TAAR5: variants seen among roughly 807,000 people sequenced by gnomAD.
TAAR5 encodes trace amine-associated receptor 5.
In TAAR5, 27 loss-of-function variants were observed where a neutral mutation model predicts 21.1. The ratio of observed to expected loss-of-function variants is 1.28; its 90% confidence interval spans 0.94 to 1.76. TAAR5 has a LOEUF of 1.76. TAAR5 is among the 40% of genes most tolerant of loss of function. The pLI is 0.00. For synonymous variants in TAAR5, 203 were observed against 167.5 expected (o/e 1.21, Z -1.64); for missense variants, 495 against 405.6 (o/e 1.22, Z -1.89).
the TAAR5 span, among the ~76,000 whole-genome samples, chr6:132,612,485 A>T: frequency 1.3e-5 from 2 of 152,178 alleles, no homozygotes; most frequent in East Asian, 3.8e-4. Flanking sequence ...CCAAAGTAGC[A>T]TTTAGACAGG....
chr6:132,616,283 CT>C, the TAAR5 span, among the ~76,000 whole-genome samples: 1 of 152,146 alleles, frequency 6.6e-6, no homozygotes, highest in African/African-American at 2.4e-5. Flanking sequence ...TAATTTTCTT[CT>C]TTATTTCTTC....
chr6:132,597,218 C>T, the TAAR5 span, among the ~76,000 whole-genome samples: 18 of 151,966 alleles, frequency 1.2e-4, no homozygotes, highest in Admixed American at 6.6e-5. Flanking sequence ...ACAGTATTCT[C>T]TCATATATTA....
the TAAR5 span, among the ~76,000 whole-genome samples, chr6:132,600,973 G>A: frequency 1.5e-5 from 2 of 137,002 alleles, no homozygotes; most frequent in Admixed American, 7.3e-5. Flanking sequence ...AGGAGGGAAG[G>A]AGGGAAAGAA....
chr6:132,594,381 T>C (rs1776948095), upstream of TAAR5: 2 of 152,006 alleles, frequency 1.3e-5, no homozygotes, highest in Non-Finnish European at 2.9e-5. Context: ...TATTGAATGA[T>C]GAACACAGCC....
the TAAR5 span, among the ~76,000 whole-genome samples, chr6:132,610,162 G>T: frequency 2.0e-5 from 3 of 152,256 alleles, no homozygotes; most frequent in Non-Finnish European, 4.4e-5. Context: ...TGGACAAATG[G>T]CATAAATAAA....
upstream of TAAR5, among the ~76,000 whole-genome samples, chr6:132,594,198 C>T (rs1363050447): frequency 6.6e-6 from 1 of 152,050 alleles, no homozygotes; most frequent in Middle Eastern, 3.2e-3. Context: ...GTTGTCTTTC[C>T]CCAAAGCCCA....
the TAAR5 span, among the ~76,000 whole-genome samples, chr6:132,603,403 G>C: frequency 6.6e-6 from 1 of 150,562 alleles, no homozygotes; most frequent in Admixed American, 6.6e-5. Context: ...ACAATATATG[G>C]TCATTCAAAA....
Position 132,589,376 on chromosome 6 carries a change from T to C in TAAR5, c.311A>G (p.Asp104Gly), listed in dbSNP as rs960741382. 1 of 1,613,546 alleles carries C rather than the reference T, an allele frequency of 6.2e-7. No homozygotes were observed. Among genetic ancestry groups the C allele is most frequent in the African/African-American group, 1.3e-5 (1 of 74,768 alleles). Residue 104 changes from aspartate to glycine, a missense_variant, in exon 1 of 1, where the codon GAC becomes GGC. By Grantham distance (94) the Asp-to-Gly change is moderately conservative. Coordinates refer to ENST00000258034, the MANE Select transcript of TAAR5 (RefSeq NM_003967.3). The stretch of plus-strand genomic sequence containing the variant: ...GTAGGTGTGCAGGCGGCAGAGGAAG[T>C]CCCCGAAGAACCAGCAGCTCTCCAC... ...RSVESCWFFG[D>G]FLCRLHTYLD...
At chr6:132,613,123 A>G in the TAAR5 span, among the ~76,000 whole-genome samples, 1 of 152,224 alleles carries the variant, frequency 6.6e-6, no homozygotes, top group Non-Finnish European at 1.5e-5. Flanking sequence ...AATATTTACA[A>G]AGATATATTA....
the TAAR5 span, among the ~76,000 whole-genome samples, chr6:132,595,963 A>T: frequency 6.6e-6 from 1 of 152,340 alleles, no homozygotes; most frequent in South Asian, 2.1e-4. Context: ...CACTTATGAC[A>T]TACTATTCGA....
the TAAR5 span, among the ~76,000 whole-genome samples, chr6:132,603,198 A>T: frequency 1.3e-5 from 2 of 150,118 alleles, no homozygotes; most frequent in African/African-American, 4.9e-5. Context: ...GCTACTTAGG[A>T]GGCTGAGGTG....
At chr6:132,610,298 C>T in the TAAR5 span, among the ~76,000 whole-genome samples, 3 of 152,144 alleles carry the variant, frequency 2.0e-5, no homozygotes, top group Admixed American at 2.0e-4. Flanking sequence ...ACAGAGTCTG[C>T]TTAGTGGGCC....
upstream of TAAR5, among the ~76,000 whole-genome samples, chr6:132,593,632 G>T (rs917342238): frequency 6.6e-6 from 1 of 152,156 alleles, no homozygotes; most frequent in Non-Finnish European, 1.5e-5. Flanking sequence ...CCCTTGTAAA[G>T]TTCAGTCTGG....
the TAAR5 span, among the ~76,000 whole-genome samples, chr6:132,610,131 A>T: frequency 4.6e-5 from 7 of 152,206 alleles, no homozygotes; most frequent in Admixed American, 2.6e-4. Flanking sequence ...TTTTGGTCAC[A>T]GTGGGCTGAA....
At chr6:132,615,454 A>G in the TAAR5 span, among the ~76,000 whole-genome samples, 2 of 152,192 alleles carry the variant, frequency 1.3e-5, no homozygotes, top group Non-Finnish European at 2.9e-5. Flanking sequence ...ATTTAAAAAA[A>G]AAGCCAGTTA....
chr6:132,600,976 G>GGAAA, the TAAR5 span, among the ~76,000 whole-genome samples: 2 of 82,676 alleles, frequency 2.4e-5, no homozygotes, highest in Non-Finnish European at 4.5e-5. Flanking sequence ...AGGGAAGGAG[G>GGAAA]GAAAGAAGGA....
At chr6:132,603,066 G>T in the TAAR5 span, among the ~76,000 whole-genome samples, 12 of 152,048 alleles carry the variant, frequency 7.9e-5, no homozygotes, top group East Asian at 2.1e-3. Flanking sequence ...ACTTTGGGAG[G>T]CCGAAGTGGG....
chr6:132,589,236 C>T lies in TAAR5; in HGVS notation c.451G>A (p.Ala151Thr). The T allele has an allele frequency of 6.2e-7, 1 of 1,606,516 alleles. No homozygotes were observed. Among genetic ancestry groups the T allele is most frequent in the Non-Finnish European group, 8.5e-7 (1 of 1,176,078 alleles). Residue 151 changes from alanine to threonine, a missense_variant, in exon 1 of 1, where the codon GCT becomes ACT. Coordinates refer to ENST00000258034, the MANE Select transcript of TAAR5 (RefSeq NM_003967.3). ...CATCCTGCCAGGATGTACCTGAGAG[C>T]CACCCTCACTGTGAACTTGGAGGGA... ...LYPSKFTVRV[A>T]LRYILAGWGV...
chr6:132,603,586 T>C, the TAAR5 span, among the ~76,000 whole-genome samples: 4 of 151,992 alleles, frequency 2.6e-5, no homozygotes, highest in Admixed American at 6.6e-5. Flanking sequence ...ATAATATTGG[T>C]AATGTTTAAG....
Sources: gnomAD v4.1 joint callset for allele counts (sites outside exome capture counted in the v4.1 genomes callset) on GRCh38, gnomAD v4.1.1 for gene constraint, MANE v1.5 for transcripts, NCBI Gene and HGNC (gene_info 2026-07-23, HGNC 2026-07-21) for gene names.